The following NFIC variants were observed in gnomAD, a reference collection of about 807,000 sequenced individuals.
NFIC encodes nuclear factor 1 C-type.
In NFIC, 12 loss-of-function variants were observed where a neutral mutation model predicts 54.4. That is an observed-to-expected ratio of 0.22 (90% CI 0.14 to 0.36). NFIC has a LOEUF of 0.36. NFIC is among the 10% of genes least tolerant of loss of function. The pLI, the probability that NFIC is intolerant of heterozygous loss-of-function variation, is 1.00. For synonymous variants in NFIC, 322 were observed against 319.2 expected (o/e 1.01, Z -0.09); for missense variants, 575 against 718.2 (o/e 0.80, Z 2.28).
intron 3 of NFIC, among the ~76,000 whole-genome samples, chr19:3,428,946 C>T (rs73523804): frequency 0.059 from 8,987 of 151,970 alleles, 395 homozygotes; most frequent in African/African-American, 0.12. Context: ...CCCTGAACCT[C>T]CCAGCGCGGG....
At chr19:3,406,783 C>T (rs866342025) in intron 2 of NFIC, among the ~76,000 whole-genome samples, 10 of 152,276 alleles carry the variant, frequency 6.6e-5, no homozygotes, top group Non-Finnish European at 1.3e-4. Context: ...AAACTTCCCT[C>T]ACTTCAAGTG....
At chr19:3,397,447 G>T (rs1449154918) in intron 2 of NFIC, among the ~76,000 whole-genome samples, 1 of 152,188 alleles carries the variant, frequency 6.6e-6, no homozygotes, top group Non-Finnish European at 1.5e-5. Context: ...CTGCAGCCAG[G>T]CTGGGGGCTG....
chr19:3,393,689 C>T (rs962754376), intron 2 of NFIC, among the ~76,000 whole-genome samples: 1 of 151,412 alleles, frequency 6.6e-6, no homozygotes, highest in African/African-American at 2.4e-5. Flanking sequence ...GTGGCGCGAA[C>T]CTGTAATCCC....
At chr19:3,451,632 T>TA (rs542068323) in intron 7 of NFIC, among the ~76,000 whole-genome samples, 4,214 of 131,476 alleles carry the variant, frequency 0.032, 77 homozygotes, top group Non-Finnish European at 0.046. Context: ...TTCTATCTCT[T>TA]AAAAAAAAAA....
At chr19:3,449,359 CT>C (rs1383914281) in intron 7 of NFIC, among the ~76,000 whole-genome samples, 3 of 152,162 alleles carry the variant, frequency 2.0e-5, no homozygotes, top group Non-Finnish European at 4.4e-5. Flanking sequence ...AGTTTCCCCC[CT>C]GTATAACAAA....
At chr19:3,405,151 G>C (rs1034228509) in intron 2 of NFIC, among the ~76,000 whole-genome samples, 2 of 152,238 alleles carry the variant, frequency 1.3e-5, no homozygotes, top group Non-Finnish European at 2.9e-5. Flanking sequence ...GCGGCCCGGC[G>C]GCAGGGGAGA....
intron 6 of NFIC, among the ~76,000 whole-genome samples, chr19:3,443,430 A>G (rs114491819): frequency 0.012 from 1,879 of 151,990 alleles, 42 homozygotes; most frequent in African/African-American, 0.043. Context: ...CTCAAAAAAA[A>G]AAAAAGAAAA....
chr19:3,378,271 A>G (rs544895127), intron 1 of NFIC, among the ~76,000 whole-genome samples: 1 of 151,640 alleles, frequency 6.6e-6, no homozygotes, highest in African/African-American at 2.4e-5. Context: ...CAAAAAAAAA[A>G]AAAAAAAAAA....
intron 3 of NFIC, among the ~76,000 whole-genome samples, chr19:3,430,369 C>T (rs1402371376): frequency 6.6e-6 from 1 of 151,918 alleles, no homozygotes; most frequent in Non-Finnish European, 1.5e-5. Flanking sequence ...ATCATAGGCA[C>T]ATGCCACCAC....
upstream of NFIC, among the ~76,000 whole-genome samples, chr19:3,363,159 A>G (rs1363272051): frequency 6.6e-6 from 1 of 150,758 alleles, no homozygotes; most frequent in East Asian, 1.9e-4. Context: ...GCATATGTGT[A>G]TATTTCCATA....
intron 1 of NFIC, among the ~76,000 whole-genome samples, chr19:3,366,998 C>G (rs2080902053): frequency 6.6e-6 from 1 of 151,682 alleles, no homozygotes; most frequent in African/African-American, 2.4e-5. Flanking sequence ...ACCCCCGCCC[C>G]GACACTCGGA....
chr19:3,360,591 G>A (rs114277719), intron 1 of NFIC, among the ~76,000 whole-genome samples: 5,107 of 152,264 alleles, frequency 0.034, 114 homozygotes, highest in South Asian at 0.057. Flanking sequence ...CCTTGGGGCC[G>A]CGGGTCCCGG....
Position 3,377,724 on chromosome 19 carries a change from A to G in NFIC, c.31-3988A>G, listed in dbSNP as rs559088469. Among the ~76,000 whole-genome samples the G allele has an allele frequency of 1.2e-4, 18 of 152,038 alleles. No individual in the cohort carries two copies. The South Asian group carries it at 3.3e-3, about 28-fold the overall frequency. On this transcript the variant is annotated intron_variant, in intron 1 of 10. Transcript: ENST00000443272. ...CCTCTGAGGCTCAAGTGATCCTCCC[A>G]CCTCAGCCTCCTAAGTAGCTAGGAC...
At chr19:3,372,724 A>T (rs2081043912) in intron 1 of NFIC, among the ~76,000 whole-genome samples, 1 of 143,836 alleles carries the variant, frequency 7.0e-6, no homozygotes, top group African/African-American at 2.7e-5. Context: ...GGGGGGTGCC[A>T]GGAGGCCCAG....
At chr19:3,394,600 G>A (rs1242073741) in intron 2 of NFIC, among the ~76,000 whole-genome samples, 1 of 137,732 alleles carries the variant, frequency 7.3e-6, no homozygotes, top group African/African-American at 2.7e-5. Context: ...GTGGCCAGGG[G>A]CTGCTGTATT....
chr19:3,463,824 G>T lies in NFIC; in HGVS notation c.*1055G>T, dbSNP rs1048459737. On this transcript the variant is annotated 3_prime_UTR_variant, in exon 11 of 11. Coordinates refer to ENST00000443272, the MANE Select transcript of NFIC (RefSeq NM_001245002.2). ...CAGCCCCTGGCGGTGGGAGGTGAGA[G>T]CGAGTGGTTTAAGTGCCTGATTACC... 521 of 984,998 alleles carry T rather than the reference G, an allele frequency of 5.3e-4. No individual in the cohort carries two copies. Among genetic ancestry groups the T allele is most frequent in the Non-Finnish European group, 6.0e-4 (497 of 829,872 alleles). The allele number at this position is 984,998 out of a possible 1,614,324, so 61.0% of individuals were successfully genotyped here. A position where few individuals can be genotyped will look rare whatever the true frequency, so the allele number is the denominator to read the frequency against.
chr19:3,396,108 G>C (rs920790343), intron 2 of NFIC, among the ~76,000 whole-genome samples: 1 of 152,220 alleles, frequency 6.6e-6, no homozygotes, highest in African/African-American at 2.4e-5. Context: ...GCAGTTGTGA[G>C]GACTGGTGGT....
chr19:3,420,556 A>AAAAAAATAAAT (rs1555751892), intron 2 of NFIC, among the ~76,000 whole-genome samples: 9 of 142,680 alleles, frequency 6.3e-5, no homozygotes, highest in Non-Finnish European at 9.1e-5. Context: ...CCATCTCAAA[A>AAAAAAATAAAT]AAATAAATAA....
chr19:3,417,132 G>A lies in NFIC; in HGVS notation c.563-7974G>A, dbSNP rs1311511781. On this transcript the variant is annotated intron_variant, in intron 2 of 10. Transcript: ENST00000443272. ...GATCTCCTGACCTCGTGATCCGCCC[G>A]CCTTGGCCTCCCAAAGTGCTGGGAT... Among the ~76,000 whole-genome samples, 12 of 150,816 alleles carry A rather than the reference G, an allele frequency of 8.0e-5. No homozygotes were observed. The South Asian group carries it at 8.4e-4, about 11-fold the overall frequency.
Sources: allele counts gnomAD v4.1 joint callset (sites outside exome capture counted in the v4.1 genomes callset), GRCh38; gene constraint gnomAD v4.1.1; transcripts MANE v1.5; gene names NCBI Gene and HGNC (gene_info 2026-07-23, HGNC 2026-07-21).